ZNF83: variants seen among roughly 807,000 people sequenced by gnomAD.
ZNF83 encodes the protein zinc finger protein 83.
For synonymous variants in ZNF83, 209 were observed against 213.0 expected, an observed-to-expected ratio of 0.98 and a Z score of 0.17; for missense variants, 552 against 629.9, an observed-to-expected ratio of 0.88 and a Z score of 1.32.
At chr19:52,639,007 A>T (rs902343206), upstream of ZNF83, among the ~76,000 whole-genome samples, 5 of 152,170 alleles carry the variant, frequency 3.3e-5, no homozygotes, top group Non-Finnish European at 5.9e-5. Flanking sequence ...TTATAATAAA[A>T]TTTTTGATGA....
intron 2 of ZNF83, among the ~76,000 whole-genome samples, chr19:52,634,196 C>T (rs2061068195): frequency 6.6e-6 from 1 of 151,996 alleles, no homozygotes; most frequent in South Asian, 2.1e-4. Flanking sequence ...CACTTGAACT[C>T]AGAAGGCAGA....
chr19:52,689,603 T>C, intron 1 of ZNF83, among the ~76,000 whole-genome samples: 1 of 152,232 alleles, frequency 6.6e-6, no homozygotes. Flanking sequence ...TCTCTACATT[T>C]CTGCACTTGC....
chr19:52,659,443 C>A (rs2061549162), intron 2 of ZNF83, among the ~76,000 whole-genome samples: 1 of 152,092 alleles, frequency 6.6e-6, no homozygotes, highest in African/African-American at 2.4e-5. Context: ...AATGTTCAGA[C>A]AGTTGCTTAA....
intron 1 of ZNF83, among the ~76,000 whole-genome samples, chr19:52,664,657 T>C (rs967223980): frequency 6.9e-6 from 1 of 144,058 alleles, no homozygotes; most frequent in Non-Finnish European, 1.5e-5. Context: ...CCCCAGGAGG[T>C]GAGCCGGGCC....
At chr19:52,663,297 G>A (rs766377249) in intron 1 of ZNF83, among the ~76,000 whole-genome samples, 4 of 152,134 alleles carry the variant, frequency 2.6e-5, no homozygotes, top group Non-Finnish European at 4.4e-5. Flanking sequence ...ACAGTAATAC[G>A]TTCAAAATAC....
intron 1 of ZNF83, among the ~76,000 whole-genome samples, chr19:52,679,608 C>T (rs185085110): frequency 6.6e-6 from 1 of 152,106 alleles, no homozygotes; most frequent in Admixed American, 6.6e-5. Flanking sequence ...GAGACTGTAT[C>T]TCAAAAAATA....
chr19:52,638,688 G>T (rs2061238459), upstream of ZNF83, among the ~76,000 whole-genome samples: 1 of 152,196 alleles, frequency 6.6e-6, no homozygotes, highest in Non-Finnish European at 1.5e-5. Context: ...CCACAGAACC[G>T]AATAGAAATC....
intron 2 of ZNF83, among the ~76,000 whole-genome samples, chr19:52,633,778 C>T (rs1241426398): frequency 1.3e-5 from 2 of 151,614 alleles, no homozygotes; most frequent in African/African-American, 2.4e-5. Context: ...GGCATGGTGA[C>T]GCATGCCTGG....
intron 2 of ZNF83, among the ~76,000 whole-genome samples, chr19:52,656,411 G>A (rs1386763430): frequency 1.3e-5 from 2 of 152,084 alleles, no homozygotes; most frequent in African/African-American, 4.8e-5. Context: ...TGTAATCCCA[G>A]CTATTTGGGA....
At chr19:52,631,447 T>C (rs897793100) in intron 2 of ZNF83, among the ~76,000 whole-genome samples, 1 of 152,216 alleles carries the variant, frequency 6.6e-6, no homozygotes, top group Non-Finnish European at 1.5e-5. Flanking sequence ...CTAATACTTT[T>C]AGAGGCCCTC....
At chr19:52,639,599 A>T (rs2061268340), upstream of ZNF83, among the ~76,000 whole-genome samples, 2 of 150,970 alleles carry the variant, frequency 1.3e-5, no homozygotes, top group South Asian at 4.2e-4. Flanking sequence ...TGTATTTTCG[A>T]TACAAACGAG....
In ZNF83 at chr19:52,666,078, G is replaced by A. The variant is rs187056198; in HGVS notation, c.-282-5235C>T. ...ACTTGGAAGGGTGAGGTGGGAGAATGGTGTGAACCCGGGAGGCGGAGCTTG... is the reference window on the plus strand; with the variant it reads ...ACTTGGAAGGGTGAGGTGGGAGAATAGTGTGAACCCGGGAGGCGGAGCTTG... On this transcript the variant is annotated intron_variant, in intron 1 of 5. Coordinates refer to the ZNF83 transcript ENST00000594682. Among the ~76,000 whole-genome samples, 788 of 151,528 alleles carry A rather than the reference G, an allele frequency of 5.2e-3. 4 individuals carry two copies. Among genetic ancestry groups the A allele is most frequent in the African/African-American group, 0.018 (740 of 41,248 alleles).
At chr19:52,635,273 G>A in intron 1 of ZNF83, 120 bp from the exon 2 acceptor site, 1 of 466,042 alleles carries the variant, frequency 2.1e-6, no homozygotes, top group Non-Finnish European at 3.8e-6. Flanking sequence ...GCTGCCCACT[G>A]CACCAGAGAC....
chr19:52,650,098 CAA>C lies in ZNF83; in HGVS notation c.-74+5461_-74+5462del, dbSNP rs1482567315. Among the ~76,000 whole-genome samples the C allele has an allele frequency of 3.3e-5, 5 of 151,842 alleles. No individual in the cohort carries two copies. The East Asian group carries it at 9.7e-4, about 29-fold the overall frequency. ...ACAAGTGTGGAAAATTAGGTCATTT[CAA>C]AAGAGAATGTCCTGAGTGGAGAAAG... On this transcript the variant is annotated intron_variant, in intron 3 of 5. Transcript: ENST00000594682.
intron 2 of ZNF83, among the ~76,000 whole-genome samples, chr19:52,615,410 C>T (rs1357365754): frequency 6.6e-6 from 1 of 152,116 alleles, no homozygotes; most frequent in Non-Finnish European, 1.5e-5. Flanking sequence ...AGAGTACTTG[C>T]TTCCTCTCAC....
At chr19:52,689,401 T>C (rs550574862) in intron 1 of ZNF83, among the ~76,000 whole-genome samples, 1 of 147,682 alleles carries the variant, frequency 6.8e-6, no homozygotes, top group South Asian at 2.1e-4. Flanking sequence ...TCATCCCCAC[T>C]CTCTAGCACT....
chr19:52,613,203 C>A lies in ZNF83; in HGVS notation c.1362G>T (p.Glu454Asp), dbSNP rs766657260. The A allele has an allele frequency of 3.7e-6, 6 of 1,614,108 alleles. No individual in the cohort carries two copies. The East Asian group carries it at 1.3e-4, about 36-fold the overall frequency. Residue 454 changes from glutamate (E) to aspartate (D), a missense_variant, in exon 3 of 3, where the codon GAG (glutamate) becomes GAT (aspartate). Glu to Asp is a conservative substitution (Grantham distance 45, BLOSUM62 2). Coordinates refer to ENST00000301096, the Ensembl canonical transcript of ZNF83. ...CACATTCATTACATTTGAAAGGTTT[C>A]TCTCCAGTGTGAATTTTCCGATGAT...
At chr19:52,681,423 G>T (rs1335031989) in intron 1 of ZNF83, among the ~76,000 whole-genome samples, 1 of 151,946 alleles carries the variant, frequency 6.6e-6, no homozygotes, top group African/African-American at 2.4e-5. Flanking sequence ...GAATTTGATA[G>T]AAAAGAAAAG....
At chr19:52,633,081 C>A (rs955526392) in intron 2 of ZNF83, among the ~76,000 whole-genome samples, 2 of 152,158 alleles carry the variant, frequency 1.3e-5, no homozygotes, top group African/African-American at 4.8e-5. Context: ...GCCATCATAT[C>A]CCCTGTGACC....
Sources: allele counts gnomAD v4.1 joint callset (sites outside exome capture counted in the v4.1 genomes callset), GRCh38; gene constraint gnomAD v4.1.1; transcripts MANE v1.5; gene names NCBI Gene and HGNC (gene_info 2026-07-23, HGNC 2026-07-21).